LRPPRC: variants seen among roughly 807,000 people sequenced by gnomAD.
LRPPRC encodes the protein leucine rich pentatricopeptide repeat containing, also known as leucine-rich PPR motif-containing protein, mitochondrial.
A neutral mutation model predicts 180.3 loss-of-function variants in LRPPRC; 120 were observed. That is an observed-to-expected ratio of 0.67 (90% CI 0.57 to 0.77). The LOEUF is 0.77. Ranked by LOEUF, LRPPRC falls within the 30% of genes least tolerant of loss-of-function variation. The pLI, the probability that LRPPRC is intolerant of heterozygous loss-of-function variation, is 0.00. For missense variants in LRPPRC, 2,012 were observed against 1,657.2 expected (o/e 1.21, Z -3.72); for synonymous variants, 723 against 600.0 (o/e 1.21, Z -3.00).
Position 43,950,593 on chromosome 2 carries a change from T to C in LRPPRC, c.1657A>G (p.Asn553Asp), listed in dbSNP as rs1672861244. ...CTTACCTCGCTCCAAAGATTTATATTCATAGACCTGCAGAGGGCAGCAAAG... is the reference window on the plus strand; with the variant it reads ...CTTACCTCGCTCCAAAGATTTATATCCATAGACCTGCAGAGGGCAGCAAAG... Reference protein sequence around the residue: ...SLLLGFRRSMNINLWSEITEL... With the variant: ...SLLLGFRRSMDINLWSEITEL... Residue 553 changes from asparagine (N) to aspartate (D), a missense_variant, in exon 15 of 38, where the codon AAT becomes GAT. Asn to Asp is a conservative substitution (Grantham distance 23). Transcript: ENST00000260665. 1 of 1,613,490 alleles carries C rather than the reference T, an allele frequency of 6.2e-7. No homozygotes were observed. Among genetic ancestry groups the C allele is most frequent in the African/African-American group, 1.3e-5 (1 of 74,900 alleles).
At chr2:43,921,511 T>C (rs1027028423) in intron 27 of LRPPRC, among the ~76,000 whole-genome samples, 3 of 151,244 alleles carry the variant, frequency 2.0e-5, no homozygotes, top group African/African-American at 7.4e-5. Flanking sequence ...ACAAGTAAAG[T>C]ATAAAACAAT....
intron 25 of LRPPRC, among the ~76,000 whole-genome samples, chr2:43,929,841 A>G (rs1167383655): frequency 6.6e-6 from 1 of 152,186 alleles, no homozygotes; most frequent in East Asian, 1.9e-4. Flanking sequence ...ATGAACTAAA[A>G]AATTATCCAC....
intron 36 of LRPPRC, among the ~76,000 whole-genome samples, chr2:43,893,284 T>C (rs988169837): frequency 2.6e-5 from 4 of 152,250 alleles, no homozygotes; most frequent in Non-Finnish European, 4.4e-5. Flanking sequence ...AGCAGTGGTA[T>C]GGTTTGAGAA....
chr2:43,967,504 G>T (rs147685205), intron 11 of LRPPRC, among the ~76,000 whole-genome samples: 115 of 152,236 alleles, frequency 7.6e-4, no homozygotes, highest in African/African-American at 2.5e-3. Flanking sequence ...AATCTAAGAG[G>T]TTTAAATGTA....
rs551228820 is a variant in LRPPRC, at chr2:43,968,040, A to G, written c.1370-4334T>C. ...GACCAGTAATAATTGTTTCCAGGAC[A>G]ATTATTATTTAGTTAAAGTAAACGG... On this transcript the variant is annotated intron_variant, in intron 11 of 37. Transcript: ENST00000260665. 3.3e-5 allele frequency among the ~76,000 whole-genome samples: 5 copies of G among 152,212 alleles called. No individual in the cohort carries two copies. The East Asian group carries it at 9.6e-4, about 29-fold the overall frequency.
intron 1 of LRPPRC, among the ~76,000 whole-genome samples, chr2:43,991,554 C>A (rs914991171): frequency 2.6e-5 from 4 of 152,130 alleles, no homozygotes; most frequent in African/African-American, 9.7e-5. Flanking sequence ...AAAACCATCA[C>A]ACAAAGAATA....
intron 25 of LRPPRC, among the ~76,000 whole-genome samples, chr2:43,930,003 CTG>C (rs1672027968): frequency 6.6e-6 from 1 of 152,090 alleles, no homozygotes; most frequent in Non-Finnish European, 1.5e-5. Flanking sequence ...CTAAAATCCA[CTG>C]TCTGTGTATA....
intron 9 of LRPPRC, 81 bp downstream of exon 9, chr2:43,974,069 T>C (rs1428989320): frequency 1.4e-6 from 2 of 1,405,078 alleles, no homozygotes; most frequent in Non-Finnish European, 2.0e-6. Flanking sequence ...ACTGGTCTAA[T>C]CTTATAAATG....
intron 30 of LRPPRC, among the ~76,000 whole-genome samples, chr2:43,909,644 A>G (rs1293760598): frequency 7.5e-6 from 1 of 133,012 alleles, no homozygotes; most frequent in Non-Finnish European, 1.6e-5. Context: ...AATAATAATA[A>G]TAATATTGAG....
intron 11 of LRPPRC, among the ~76,000 whole-genome samples, chr2:43,972,068 A>G (rs1673842397): frequency 2.0e-5 from 3 of 152,208 alleles, no homozygotes. Context: ...AAATAAACAC[A>G]GTATAGTACT....
In LRPPRC at chr2:43,984,240, TCAA is replaced by T. The variant is rs750548343; in HGVS notation, c.150-1809_150-1807del. On this transcript the variant is annotated intron_variant, in intron 1 of 37. Coordinates refer to ENST00000260665, the MANE Select transcript of LRPPRC (RefSeq NM_133259.4). Reference sequence around the variant, plus strand: ...TTGGAGGAGTATGCAATAATATTAGTCAACAACAAAAGCTGATTAATACAGAAA... The same window carrying T: ...TTGGAGGAGTATGCAATAATATTAGTCAACAAAAGCTGATTAATACAGAAA... 5.8e-4 allele frequency among the ~76,000 whole-genome samples: 88 copies of T among 152,222 alleles called. 1 individual carries two copies. Among genetic ancestry groups the T allele is most frequent in the South Asian group, 3.5e-3 (17 of 4,816 alleles).
intron 1 of LRPPRC, among the ~76,000 whole-genome samples, chr2:43,984,429 T>C (rs1172530082): frequency 6.6e-6 from 1 of 152,220 alleles, no homozygotes; most frequent in Non-Finnish European, 1.5e-5. Context: ...AACTAGCACA[T>C]TGTTCTGAAT....
chr2:43,978,479 C>G (rs1369290684), intron 3 of LRPPRC, among the ~76,000 whole-genome samples: 1 of 152,084 alleles, frequency 6.6e-6, no homozygotes, highest in Non-Finnish European at 1.5e-5. Flanking sequence ...AATGTTATTA[C>G]TGCTGTGTAA....
chr2:43,923,597 G>A (rs913664423), intron 27 of LRPPRC, among the ~76,000 whole-genome samples: 2 of 152,192 alleles, frequency 1.3e-5, no homozygotes, highest in Non-Finnish European at 2.9e-5. Context: ...GTTCTTACCC[G>A]CTGCAGTGTT....
At chr2:43,964,755 T>G (rs987094734) in intron 11 of LRPPRC, among the ~76,000 whole-genome samples, 5 of 152,196 alleles carry the variant, frequency 3.3e-5, no homozygotes, top group Admixed American at 2.6e-4. Flanking sequence ...ATTTTAACTT[T>G]AAACAGTTCA....
chr2:43,919,378 C>T (rs1671615150), intron 27 of LRPPRC, among the ~76,000 whole-genome samples: 1 of 152,150 alleles, frequency 6.6e-6, no homozygotes, highest in Non-Finnish European at 1.5e-5. Context: ...GTGTAATTCT[C>T]TTTACAAGTG....
chr2:43,886,556 C>T lies in LRPPRC; in HGVS notation c.*2044G>A, dbSNP rs932033215. ...AACAGCTAGTCCTTTGTAACACCCC[C>T]CCGCTGCTGCCGAGAGGGCTAGATA... On this transcript the variant is annotated 3_prime_UTR_variant, in exon 38 of 38. Coordinates refer to ENST00000260665, the MANE Select transcript of LRPPRC (RefSeq NM_133259.4). 11 of 152,170 alleles carry T rather than the reference C, an allele frequency of 7.2e-5. No homozygotes were observed. The highest frequency in any genetic ancestry group is 2.7e-4 in the African/African-American group (11 of 41,418). 9.4% of individuals were successfully genotyped at this position (152,170 alleles called of 1,614,324 possible).
In LRPPRC at chr2:43,887,837, A is replaced by T. The variant is rs1670321885; in HGVS notation, c.*763T>A. ...AATCACATCTTTTCAGGATATGAGT[A>T]TAAAGTAACAAGCCTAGGGCAGAGC... On this transcript the variant is annotated 3_prime_UTR_variant, in exon 38 of 38. Coordinates refer to ENST00000260665, the MANE Select transcript of LRPPRC (RefSeq NM_133259.4). 1 of 152,238 alleles carries T rather than the reference A, an allele frequency of 6.6e-6. No individual in the cohort carries two copies. The highest frequency in any genetic ancestry group is 1.5e-5 in the Non-Finnish European group (1 of 68,060). The allele number at this position is 152,238 out of a possible 1,614,324, so 9.4% of individuals were successfully genotyped here.
intron 23 of LRPPRC, among the ~76,000 whole-genome samples, chr2:43,936,179 G>C (rs1672270750): frequency 6.6e-6 from 1 of 152,108 alleles, no homozygotes; most frequent in Non-Finnish European, 1.5e-5. Flanking sequence ...TAATGAAACT[G>C]GGGCATCTAG....
Sources: gnomAD v4.1 joint callset for allele counts (sites outside exome capture counted in the v4.1 genomes callset) on GRCh38, gnomAD v4.1.1 for gene constraint, MANE v1.5 for transcripts, NCBI Gene and HGNC (gene_info 2026-07-23, HGNC 2026-07-21) for gene names.